KYNU: variants seen among roughly 807,000 people sequenced by gnomAD.
KYNU encodes the protein kynureninase, also known as L-kynurenine hydrolase.
In KYNU, 54 loss-of-function variants were observed where a neutral mutation model predicts 59.2. The observed-to-expected ratio is 0.91, with a 90% CI of 0.73 to 1.14. The LOEUF is 1.14. Ranked by LOEUF, KYNU falls within the 50% of genes most tolerant of loss-of-function variation. The pLI is 0.00. For synonymous variants in KYNU, 177 were observed against 192.0 expected, an observed-to-expected ratio of 0.92 and a Z score of 0.65; for missense variants, 567 against 554.4, an observed-to-expected ratio of 1.02 and a Z score of -0.23.
chr2:143,049,475 T>C lies in KYNU; in HGVS notation c.*7303T>C, dbSNP rs1222928971. 1 of 152,170 alleles carries C rather than the reference T, an allele frequency of 6.6e-6. No homozygotes were observed. Among genetic ancestry groups the C allele is most frequent in the African/African-American group, 2.4e-5 (1 of 41,430 alleles). 9.4% of individuals were successfully genotyped at this position (152,170 alleles called of 1,614,324 possible). A position where few individuals can be genotyped will look rare whatever the true frequency, so the allele number is the denominator to read the frequency against. ...ATGAAAATATGAAAAACTTACACTT[T>C]GTATCAGTCAGGAGAAGGATAATCT... On this transcript the variant is annotated 3_prime_UTR_variant, in exon 14 of 14. Coordinates refer to ENST00000264170, the MANE Select transcript of KYNU (RefSeq NM_003937.3).
chr2:143,018,730 C>T (rs774834493), intron 10 of KYNU, among the ~76,000 whole-genome samples: 23 of 152,046 alleles, frequency 1.5e-4, no homozygotes, highest in Non-Finnish European at 2.8e-4. Flanking sequence ...TTGCTTTGAA[C>T]GGTATAGTCA....
At chr2:143,019,497 A>G (rs549377121) in intron 10 of KYNU, among the ~76,000 whole-genome samples, 1 of 152,262 alleles carries the variant, frequency 6.6e-6, no homozygotes, top group African/African-American at 2.4e-5. Context: ...CATCCCTGGG[A>G]TAAATGCTAC....
chr2:142,999,521 G>C (rs569397974), intron 10 of KYNU, among the ~76,000 whole-genome samples: 1 of 152,212 alleles, frequency 6.6e-6, no homozygotes, highest in South Asian at 2.1e-4. Flanking sequence ...GAGTGTTTGA[G>C]GAGTCATCAA....
At chr2:142,949,724 C>A (rs1171867854) in intron 4 of KYNU, among the ~76,000 whole-genome samples, 4 of 152,216 alleles carry the variant, frequency 2.6e-5, no homozygotes, top group Non-Finnish European at 5.9e-5. Flanking sequence ...GCCATGAAGA[C>A]CTCTGACATG....
chr2:142,948,140 C>T (rs994071702), intron 4 of KYNU: 1 of 152,284 alleles, frequency 6.6e-6, no homozygotes, highest in Admixed American at 6.5e-5. Context: ...ACCCTGGTCA[C>T]TGCCTGGCTC....
chr2:143,039,066 T>A (rs902761744), intron 12 of KYNU, among the ~76,000 whole-genome samples: 9 of 152,160 alleles, frequency 5.9e-5, no homozygotes, highest in Non-Finnish European at 1.2e-4. Context: ...AGTTATTGTG[T>A]GCCCTTGTCA....
intron 8 of KYNU, chr2:142,967,441 A>G (rs535108137): frequency 2.6e-5 from 4 of 152,146 alleles, no homozygotes; most frequent in Non-Finnish European, 4.4e-5. Flanking sequence ...AACGTCTCAC[A>G]TCTCTTAGAC....
At chr2:143,033,844 C>T (rs186426393) in intron 12 of KYNU, among the ~76,000 whole-genome samples, 2 of 152,196 alleles carry the variant, frequency 1.3e-5, no homozygotes, top group East Asian at 3.9e-4. Context: ...AAAGAATAAT[C>T]AGAGTAAACC....
chr2:143,006,384 A>G (rs1381564377), intron 10 of KYNU, among the ~76,000 whole-genome samples: 1 of 151,898 alleles, frequency 6.6e-6, no homozygotes, highest in Non-Finnish European at 1.5e-5. Context: ...ATTATATCCC[A>G]CACCTGGCTC....
intron 10 of KYNU, among the ~76,000 whole-genome samples, chr2:142,999,679 T>C (rs1427233445): frequency 6.6e-6 from 1 of 152,168 alleles, no homozygotes; most frequent in Non-Finnish European, 1.5e-5. Context: ...TGTATCAGTA[T>C]GGGCTGTTAC....
At chr2:142,974,713 C>T (rs188762640) in intron 8 of KYNU, among the ~76,000 whole-genome samples, 402 of 152,286 alleles carry the variant, frequency 2.6e-3, no homozygotes, top group African/African-American at 8.7e-3. Context: ...TGTAAAGGCT[C>T]TCCTTCTTGT....
chr2:142,970,322 T>C (rs939271795), intron 8 of KYNU, among the ~76,000 whole-genome samples: 34 of 152,198 alleles, frequency 2.2e-4, no homozygotes, highest in African/African-American at 8.2e-4. Context: ...GGAAGCAATT[T>C]AGAAGCAGTG....
At chr2:142,959,109 ACC>A (rs1261962293) in intron 7 of KYNU, among the ~76,000 whole-genome samples, 5 of 152,126 alleles carry the variant, frequency 3.3e-5, no homozygotes, top group African/African-American at 1.2e-4. Context: ...TTTATTTCAC[ACC>A]CACACACATA....
rs796348182 is a variant in KYNU, at chr2:142,945,806, C to T, written c.374-9004C>T. Among the ~76,000 whole-genome samples the T allele has an allele frequency of 3.8e-4, 58 of 150,794 alleles. 1 individual carries two copies. The highest frequency in any genetic ancestry group is 1.0e-3 in the African/African-American group (42 of 40,938). On this transcript the variant is annotated intron_variant, in intron 4 of 13. Coordinates refer to ENST00000264170, the MANE Select transcript of KYNU (RefSeq NM_003937.3). Reference sequence around the variant, plus strand: ...AGGCTGGAGTGCCGTGGCACAATCTCGGCTCACTGCAACCTCTGCCTCCCA... The same window carrying T: ...AGGCTGGAGTGCCGTGGCACAATCTTGGCTCACTGCAACCTCTGCCTCCCA...
chr2:142,893,943 A>T (rs1030024791), intron 2 of KYNU, among the ~76,000 whole-genome samples: 1 of 152,184 alleles, frequency 6.6e-6, no homozygotes, highest in Non-Finnish European at 1.5e-5. Flanking sequence ...CAGGCATAAC[A>T]TACCTCAGCC....
chr2:142,978,323 T>C (rs1684948378), intron 8 of KYNU, among the ~76,000 whole-genome samples: 1 of 152,200 alleles, frequency 6.6e-6, no homozygotes, highest in South Asian at 2.1e-4. Context: ...AGTAATATTG[T>C]CCAAATTTAT....
chr2:142,974,464 T>C (rs967648221), intron 8 of KYNU, among the ~76,000 whole-genome samples: 13 of 152,200 alleles, frequency 8.5e-5, no homozygotes, highest in African/African-American at 3.1e-4. Context: ...CTTTCAGCTT[T>C]TTCCTTTTGG....
chr2:142,911,808 T>C (rs772434151), intron 2 of KYNU, among the ~76,000 whole-genome samples: 1 of 152,186 alleles, frequency 6.6e-6, no homozygotes, highest in Non-Finnish European at 1.5e-5. Context: ...CATGATCATA[T>C]GGTTTTTGTT....
At chr2:142,933,570 T>G (rs1181697306) in intron 4 of KYNU, among the ~76,000 whole-genome samples, 1 of 152,090 alleles carries the variant, frequency 6.6e-6, no homozygotes, top group East Asian at 1.9e-4. Context: ...TGTGAGCCCT[T>G]GGGTTCACGG....
Sources: allele counts gnomAD v4.1 joint callset (sites outside exome capture counted in the v4.1 genomes callset), GRCh38; gene constraint gnomAD v4.1.1; transcripts MANE v1.5; gene names NCBI Gene and HGNC (gene_info 2026-07-23, HGNC 2026-07-21).